LY9: variants seen among roughly 807,000 people sequenced by gnomAD.
The protein encoded by LY9 is T-lymphocyte surface antigen Ly-9.
In LY9, 59 loss-of-function variants were observed where a neutral mutation model predicts 64.6. The observed-to-expected ratio is 0.91, with a 90% confidence interval of 0.74 to 1.13. The LOEUF is 1.13. LY9 is among the 50% of genes most tolerant of loss of function. LY9 has a pLI of 0.00. For synonymous variants in LY9, 281 were observed against 308.5 expected, an observed-to-expected ratio of 0.91 and a Z score of 0.93; for missense variants, 789 against 797.2, an observed-to-expected ratio of 0.99 and a Z score of 0.12.
Position 160,799,292 on chromosome 1 carries a change from G to A in LY9, c.125-461G>A, listed in dbSNP as rs188117253. 1.5e-4 allele frequency: 23 copies of A among 157,420 alleles called. No individual in the cohort carries two copies. The East Asian group carries it at 3.2e-3, about 22-fold the overall frequency. 9.8% of individuals were successfully genotyped at this position (157,420 alleles called of 1,614,324 possible). A position where few individuals can be genotyped will look rare whatever the true frequency, so the allele number is the denominator to read the frequency against. ...TTTTACTTTGCTTGCTTTATCACTC[G>A]CCTGCCCATCTAACCATCCCTCTAC... On this transcript the variant is annotated intron_variant, in intron 1 of 9. Transcript: ENST00000263285.
Position 160,813,888 on chromosome 1 carries a change from T to C in LY9, c.707T>C (p.Val236Ala), listed in dbSNP as rs200190832. Residue 236 changes from valine to alanine, a missense_variant, in exon 3 of 10, where the codon GTC becomes GCC. Coordinates refer to ENST00000263285, the MANE Select transcript of LY9 (RefSeq NM_002348.4). Reference protein sequence around the residue: ...NPVSQRSSLPVHVGQFCTDPG... With the variant: ...NPVSQRSSLPAHVGQFCTDPG... The stretch of plus-strand genomic sequence containing the variant: ...GTCAGCCAGAGAAGCTCCCTCCCTG[T>C]CCATGTTGGGCAGTTCTGTACAGGT... 18 of 1,614,098 alleles carry C rather than the reference T, an allele frequency of 1.1e-5. No homozygotes were observed. In the East Asian group the frequency reaches 3.3e-4, roughly 30 times the overall value.
Position 160,818,249 on chromosome 1 carries a change from G to A in LY9, c.1374G>A (p.Gly458=). 2 of 1,614,016 alleles carry A rather than the reference G, an allele frequency of 1.2e-6. No individual in the cohort carries two copies. Among genetic ancestry groups the A allele is most frequent in the East Asian group, 4.5e-5 (2 of 44,868 alleles). ...AGAGAAACACAAAGCTTTGGATTGG[G>A]TTGTTCCTGATGGTTTGCCTTCTGT... ...GPERNTKLWI[G]LFLMVCLLCV... is the part of the protein sequence containing the mutation. Residue 458 remains glycine, a synonymous_variant, in exon 6 of 10, where the codon GGG becomes GGA. Transcript: ENST00000263285.
intron 2 of LY9, among the ~76,000 whole-genome samples, chr1:160,807,162 TC>T (rs1407661165): frequency 6.6e-6 from 1 of 152,256 alleles, no homozygotes; most frequent in Non-Finnish European, 1.5e-5. Context: ...GTATTGTTTT[TC>T]AGAATTCTCT....
At chr1:160,825,551 T>G (rs760076485) in intron 9 of LY9, among the ~76,000 whole-genome samples, 8 of 152,200 alleles carry the variant, frequency 5.3e-5, no homozygotes, top group Non-Finnish European at 1.2e-4. Context: ...TCGTGTCCAT[T>G]CATACTTTTG....
intron 8 of LY9, 102 bp from the exon 9 acceptor site, chr1:160,824,079 A>G (rs1372740660): frequency 7.0e-7 from 1 of 1,437,924 alleles, no homozygotes; most frequent in Non-Finnish European, 9.6e-7. Context: ...CCTGTGTGTG[A>G]GATGGGAAGC....
intron 2 of LY9, chr1:160,802,087 T>C (rs1284014916): frequency 1.5e-6 from 2 of 1,333,798 alleles, no homozygotes; most frequent in South Asian, 1.7e-5. Flanking sequence ...CCGCCTCCCA[T>C]GGCACGTCGG....
chr1:160,803,308 T>G (rs11265487), intron 2 of LY9, among the ~76,000 whole-genome samples: 57,984 of 151,660 alleles, frequency 0.38, 11,849 homozygotes, highest in Non-Finnish European at 0.47. Flanking sequence ...TTTTAAAAAG[T>G]ATTGTTTTTC....
intron 2 of LY9, among the ~76,000 whole-genome samples, chr1:160,807,522 G>T (rs777587796): frequency 1.3e-5 from 2 of 152,182 alleles, no homozygotes; most frequent in South Asian, 2.1e-4. Flanking sequence ...TCAGCAGGTC[G>T]ATTTTTAGGT....
chr1:160,815,845 G>C (rs1483873479), intron 4 of LY9, among the ~76,000 whole-genome samples: 1 of 152,224 alleles, frequency 6.6e-6, no homozygotes. Context: ...AACAGAATTT[G>C]CATTCTACCT....
chr1:160,821,151 T>TTA (rs376576623), intron 7 of LY9, among the ~76,000 whole-genome samples: 3 of 105,094 alleles, frequency 2.9e-5, no homozygotes, highest in Non-Finnish European at 5.4e-5. Context: ...GAAACTTTGC[T>TTA]AAAAAAAAAA....
chr1:160,825,636 G>A (rs140734064), intron 9 of LY9, among the ~76,000 whole-genome samples: 192 of 152,240 alleles, frequency 1.3e-3, no homozygotes, highest in Middle Eastern at 3.4e-3. Flanking sequence ...TCGGCTGGGC[G>A]TGGTGGCTCA....
At position 160,821,770 on chromosome 1, in the gene LY9, T is replaced by C. The variant is rs149526511; in HGVS notation, c.1499-1695T>C. Among the ~76,000 whole-genome samples, 226 of 152,210 alleles carry C rather than the reference T, an allele frequency of 1.5e-3. 1 individual carries two copies. Among genetic ancestry groups the C allele is most frequent in the African/African-American group, 5.1e-3 (213 of 41,530 alleles). The stretch of plus-strand genomic sequence containing the variant: ...GCCTCAGTTTCCTTACCTTCCAAAA[T>C]GAAGGTATCTATTTTCACTCAGTAT... On this transcript the variant is annotated intron_variant, in intron 7 of 9. Transcript: ENST00000263285.
intron 2 of LY9, among the ~76,000 whole-genome samples, chr1:160,808,142 C>T (rs1311392370): frequency 2.6e-5 from 4 of 152,184 alleles, no homozygotes; most frequent in African/African-American, 4.8e-5. Flanking sequence ...GAGCTTTTGC[C>T]CAGCTTGCAA....
At chr1:160,817,799 C>T (rs1668073071) in intron 5 of LY9, among the ~76,000 whole-genome samples, 1 of 152,166 alleles carries the variant, frequency 6.6e-6, no homozygotes, top group Non-Finnish European at 1.5e-5. Flanking sequence ...AAAAAAGGTA[C>T]GGTCTACCCA....
intron 2 of LY9, among the ~76,000 whole-genome samples, chr1:160,808,769 T>C (rs1440396384): frequency 1.3e-5 from 2 of 152,238 alleles, no homozygotes; most frequent in East Asian, 3.8e-4. Flanking sequence ...TTCTTCTAAG[T>C]AGAGGAGGTA....
intron 4 of LY9, among the ~76,000 whole-genome samples, chr1:160,815,829 G>A (rs1667907821): frequency 6.6e-6 from 1 of 152,236 alleles, no homozygotes; most frequent in African/African-American, 2.4e-5. Context: ...TCCCCTGGGG[G>A]TGAGGAACAG....
chr1:160,818,135 G>T, intron 5 of LY9, 83 bp from the exon 6 acceptor site: 2 of 845,892 alleles, frequency 2.4e-6, no homozygotes, highest in Admixed American at 2.1e-5. Context: ...GGGCAGGTAG[G>T]ATGGCCATCA....
chr1:160,813,889 C>T lies in LY9; in HGVS notation c.708C>T (p.Val236=). The change falls in exon 3 of 10, where the codon GTC becomes GTT. Residue 236 remains valine, a synonymous_variant. Coordinates refer to ENST00000263285, the MANE Select transcript of LY9 (RefSeq NM_002348.4). ...NPVSQRSSLP[V]HVGQFCTDPG... Reference sequence around the variant, plus strand: ...TCAGCCAGAGAAGCTCCCTCCCTGTCCATGTTGGGCAGTTCTGTACAGGTA... The same window carrying T: ...TCAGCCAGAGAAGCTCCCTCCCTGTTCATGTTGGGCAGTTCTGTACAGGTA... The T allele has an allele frequency of 6.2e-7, 1 of 1,614,094 alleles. No individual in the cohort carries two copies. Among genetic ancestry groups the T allele is most frequent in the Non-Finnish European group, 8.5e-7 (1 of 1,179,984 alleles).
chr1:160,822,486 A>C (rs1041945742), intron 7 of LY9, among the ~76,000 whole-genome samples: 1 of 152,176 alleles, frequency 6.6e-6, no homozygotes, highest in Non-Finnish European at 1.5e-5. Context: ...TGGAGCCGCC[A>C]TTTTGAAAAT....
Sources: allele counts gnomAD v4.1 joint callset (sites outside exome capture counted in the v4.1 genomes callset), GRCh38; gene constraint gnomAD v4.1.1; transcripts MANE v1.5; gene names NCBI Gene and HGNC (gene_info 2026-07-23, HGNC 2026-07-21).